Variants in CAMK2D observed in about 807,000 individuals in gnomAD.
CAMK2D encodes calcium/calmodulin dependent protein kinase II delta, also known as calcium/calmodulin-dependent protein kinase type II subunit delta.
Under a neutral mutation model 84.0 loss-of-function variants are expected in CAMK2D, and 37 were observed. The ratio of observed to expected loss-of-function variants is 0.44; its 90% CI spans 0.34 to 0.58. The LOEUF (loss-of-function observed/expected upper bound fraction) is 0.58, where lower values mean the gene tolerates loss of function less well. CAMK2D is among the 20% of genes least tolerant of loss of function. The pLI is 0.02. For synonymous variants in CAMK2D, 202 were observed against 212.5 expected (o/e 0.95, Z 0.43); for missense variants, 448 against 652.5 (o/e 0.69, Z 3.41).
At chr4:113,709,753 A>ATATATATATATATATATATATATG (rs2099484320) in intron 2 of CAMK2D, among the ~76,000 whole-genome samples, 1 of 92,352 alleles carries the variant, frequency 1.1e-5, no homozygotes, top group African/African-American at 4.8e-5. Context: ...AACGATATAT[A>ATATATATATATATATATATATATG]TATATATATA....
chr4:113,528,567 T>C (rs1396403367), intron 8 of CAMK2D, among the ~76,000 whole-genome samples: 9 of 152,062 alleles, frequency 5.9e-5, no homozygotes, highest in Non-Finnish European at 8.8e-5. Context: ...GTATGAAATG[T>C]CCCTTATGCT....
intron 8 of CAMK2D, among the ~76,000 whole-genome samples, chr4:113,529,516 T>C (rs1236434888): frequency 6.6e-6 from 1 of 152,194 alleles, no homozygotes; most frequent in Non-Finnish European, 1.5e-5. Context: ...ACTTGTAGGC[T>C]GGTAGCAATG....
chr4:113,505,229 G>A (rs949622494), intron 13 of CAMK2D, among the ~76,000 whole-genome samples, 194 bp from the exon 14 acceptor site: 3 of 152,156 alleles, frequency 2.0e-5, no homozygotes, highest in Non-Finnish European at 4.4e-5. Flanking sequence ...GCTGGACCAT[G>A]TCCGTGATGG....
chr4:113,614,631 G>C (rs1591967738), intron 3 of CAMK2D, among the ~76,000 whole-genome samples: 1 of 152,256 alleles, frequency 6.6e-6, no homozygotes, highest in East Asian at 1.9e-4. Flanking sequence ...GAAACTGCAT[G>C]AATGACCTCA....
intron 4 of CAMK2D, among the ~76,000 whole-genome samples, chr4:113,593,916 CT>C (rs138017483): frequency 4.0e-5 from 6 of 149,746 alleles, no homozygotes; most frequent in South Asian, 2.1e-4. Flanking sequence ...CAGAGTTGTG[CT>C]TTTTTTTTTC....
intron 16 of CAMK2D, among the ~76,000 whole-genome samples, chr4:113,468,000 A>G (rs573106055): frequency 1.3e-5 from 2 of 152,070 alleles, no homozygotes; most frequent in South Asian, 4.2e-4. Flanking sequence ...TACAGTTTAG[A>G]AAACATGGCC....
chr4:113,528,290 A>G (rs781021079), intron 8 of CAMK2D, among the ~76,000 whole-genome samples: 13 of 152,208 alleles, frequency 8.5e-5, no homozygotes, highest in Non-Finnish European at 1.5e-4. Context: ...CTGCAGTCCC[A>G]TGAGGCAAGA....
chr4:113,603,435 T>C (rs910243594), intron 4 of CAMK2D, among the ~76,000 whole-genome samples: 2 of 138,358 alleles, frequency 1.4e-5, no homozygotes, highest in Admixed American at 7.7e-5. Flanking sequence ...ATGTCCTTTG[T>C]AGGGACATGG....
chr4:113,637,657 A>T (rs979204279), intron 3 of CAMK2D, among the ~76,000 whole-genome samples: 1 of 152,142 alleles, frequency 6.6e-6, no homozygotes, highest in African/African-American at 2.4e-5. Flanking sequence ...GTTTCCTTGA[A>T]ATCTGTCCCT....
chr4:113,475,620 T>C (rs188103996), intron 16 of CAMK2D, among the ~76,000 whole-genome samples: 41 of 152,362 alleles, frequency 2.7e-4, no homozygotes, highest in African/African-American at 9.6e-4. Flanking sequence ...ATATTTCAAC[T>C]GTAAGAATGT....
chr4:113,617,395 G>A (rs918876392), intron 3 of CAMK2D, among the ~76,000 whole-genome samples: 2 of 151,756 alleles, frequency 1.3e-5, no homozygotes, highest in African/African-American at 4.8e-5. Flanking sequence ...CCAGGGCAGC[G>A]GAGGTTGTGG....
chr4:113,513,184 G>C, intron 12 of CAMK2D, 144 bp downstream of exon 12: 5 of 1,474,812 alleles, frequency 3.4e-6, no homozygotes, highest in Non-Finnish European at 3.6e-6. Flanking sequence ...CATAGGTGTA[G>C]AAGGAATCTG....
At chr4:113,686,541 T>A (rs2099360429) in intron 2 of CAMK2D, among the ~76,000 whole-genome samples, 1 of 152,188 alleles carries the variant, frequency 6.6e-6, no homozygotes, top group Non-Finnish European at 1.5e-5. Context: ...ATGATTTTTA[T>A]TACACCTTTG....
chr4:113,453,397 T>C lies in CAMK2D; in HGVS notation c.*1148A>G, dbSNP rs566184030. The C allele has an allele frequency of 6.6e-6, 1 of 152,320 alleles. No homozygotes were observed. Among genetic ancestry groups the C allele is most frequent in the African/African-American group, 2.4e-5 (1 of 41,570 alleles). The allele number at this position is 152,320 out of a possible 1,614,324, so 9.4% of individuals were successfully genotyped here. ...GCATAAAACCCCCTCTGCTATCAAG[T>C]TGGTATCCTCCTGGCAACTGTCCCA... On this transcript the variant is annotated 3_prime_UTR_variant, in exon 21 of 21. Transcript: ENST00000511664.
intron 2 of CAMK2D, among the ~76,000 whole-genome samples, chr4:113,666,590 C>T (rs547088526): frequency 6.6e-6 from 1 of 152,106 alleles, no homozygotes; most frequent in East Asian, 1.9e-4. Flanking sequence ...CATGCACACA[C>T]ACGCACGCAT....
chr4:113,690,296 A>T (rs1239054524), intron 2 of CAMK2D, among the ~76,000 whole-genome samples: 2 of 152,238 alleles, frequency 1.3e-5, no homozygotes, highest in Non-Finnish European at 2.9e-5. Context: ...ACACAAGGTC[A>T]CAGGTCCATA....
At chr4:113,653,750 T>G (rs1306239122) in intron 3 of CAMK2D, among the ~76,000 whole-genome samples, 5 of 152,076 alleles carry the variant, frequency 3.3e-5, no homozygotes, top group African/African-American at 1.2e-4. Flanking sequence ...ATAAGGCAAT[T>G]TACTCATTTA....
chr4:113,696,610 C>T (rs933728360), intron 2 of CAMK2D, among the ~76,000 whole-genome samples: 7 of 152,056 alleles, frequency 4.6e-5, no homozygotes, highest in African/African-American at 1.7e-4. Flanking sequence ...AGGAGCAGCC[C>T]TTGCCTTCTC....
At chr4:113,586,402 C>T (rs1194104256) in intron 4 of CAMK2D, among the ~76,000 whole-genome samples, 1 of 152,168 alleles carries the variant, frequency 6.6e-6, no homozygotes, top group Non-Finnish European at 1.5e-5. Context: ...GGTCAACTCA[C>T]AGATTTTTCT....
Sources: gnomAD v4.1 joint callset for allele counts (sites outside exome capture counted in the v4.1 genomes callset) on GRCh38, gnomAD v4.1.1 for gene constraint, MANE v1.5 for transcripts, NCBI Gene and HGNC (gene_info 2026-07-23, HGNC 2026-07-21) for gene names.